The following EIF3A variants were observed in gnomAD, a reference collection of about 807,000 sequenced individuals.
EIF3A encodes eukaryotic translation initiation factor 3 subunit A.
Under a neutral mutation model 186.6 loss-of-function variants are expected in EIF3A, and 21 were observed. That is an observed-to-expected ratio of 0.11 (90% CI 0.08 to 0.16). The LOEUF is 0.16. EIF3A is among the 10% of genes least tolerant of loss of function. The probability of loss-of-function intolerance (pLI) is 1.00; values close to 1 mark genes in which losing one functional copy is unlikely to be tolerated. For missense variants in EIF3A, 1,306 were observed against 1,796.3 expected, an observed-to-expected ratio of 0.73 and a Z score of 4.93; for synonymous variants, 563 against 584.3, an observed-to-expected ratio of 0.96 and a Z score of 0.52.
At chr10:119,073,700 T>G in intron 2 of EIF3A, 47 bp downstream of exon 2, 1 of 1,563,692 alleles carries the variant, frequency 6.4e-7, no homozygotes, top group Middle Eastern at 1.7e-4. Flanking sequence ...CTTCGGCAGA[T>G]TACTAAAAAC....
chr10:119,074,554 G>A (rs966738064), intron 1 of EIF3A, among the ~76,000 whole-genome samples: 3 of 151,908 alleles, frequency 2.0e-5, no homozygotes, highest in African/African-American at 4.8e-5. Flanking sequence ...AGTGGGTGTG[G>A]TGTCAATGAA....
intron 15 of EIF3A, 40 bp from the exon 16 acceptor site, chr10:119,050,714 T>C (rs754988292): frequency 5.0e-6 from 8 of 1,610,376 alleles, no homozygotes; most frequent in African/African-American, 1.3e-5. Flanking sequence ...AGGGCACACT[T>C]TGTCAAGAGC....
In EIF3A at chr10:119,035,922, G is replaced by A. The variant is rs868036278; in HGVS notation, c.*117C>T. 6 of 743,826 alleles carry A rather than the reference G, an allele frequency of 8.1e-6. No homozygotes were observed. Among genetic ancestry groups the A allele is most frequent in the Non-Finnish European group, 1.4e-5 (6 of 443,624 alleles). 46.1% of individuals were successfully genotyped at this position (743,826 alleles called of 1,614,324 possible). A position where few individuals can be genotyped will look rare whatever the true frequency, so the allele number is the denominator to read the frequency against. On this transcript the variant is annotated 3_prime_UTR_variant, in exon 22 of 22. Transcript: ENST00000369144. ...ATTAATACAAGTTCATGCTTTTTGT[G>A]TTATGGTGAAACAACATTAAAGAAT...
rs1170284096 is a variant in EIF3A at position 119,074,918 on chromosome 10, CAAA to C, written c.50-984_50-982del. ...GGGCAACAAGAACGAAACTCCAACT[CAAA>C]AAAAAAAAAAAAAAAAAAAAGGGAA... On this transcript the variant is annotated intron_variant, in intron 1 of 21. Coordinates refer to ENST00000369144, the MANE Select transcript of EIF3A (RefSeq NM_003750.4). 7.5e-3 allele frequency among the ~76,000 whole-genome samples: 180 copies of C among 24,148 alleles called. 1 individual carries two copies. The highest frequency in any genetic ancestry group is 0.023 in the African/African-American group (171 of 7,538). 15.8% of individuals were successfully genotyped at this position (24,148 alleles called of 152,430 possible).
intron 1 of EIF3A, among the ~76,000 whole-genome samples, chr10:119,075,666 A>ATATATC (rs1166969733): frequency 2.2e-5 from 3 of 137,356 alleles, no homozygotes; most frequent in East Asian, 4.2e-4. Context: ...ATATATATAT[A>ATATATC]TCTCCTTTTT....
Position 119,050,666 on chromosome 10 carries a change from A to C in EIF3A, c.2328T>G (p.Leu776=). 1 of 1,613,928 alleles carries C rather than the reference A, an allele frequency of 6.2e-7. No individual in the cohort carries two copies. The highest frequency in any genetic ancestry group is 8.5e-7 in the Non-Finnish European group (1 of 1,179,992). The change falls in exon 16 of 22, where the codon CTT becomes CTG. Residue 776 remains leucine, a synonymous_variant. Transcript: ENST00000369144. ...CTGCTAATCGCTCTTCAAACTGTTT[A>C]AGTTTTTCCTGCAATCGAAGTAACC... is the stretch of plus-strand genomic sequence containing the variant. ...AARQSVYEEK[L]KQFEERLAEE... is the part of the protein sequence containing the mutation.
In EIF3A at chr10:119,036,217, C is replaced by G. The variant is rs1345108493; in HGVS notation, c.3971G>C (p.Arg1324Pro). The G allele has an allele frequency of 6.2e-7, 1 of 1,613,836 alleles. No individual in the cohort carries two copies. The highest frequency in any genetic ancestry group is 8.5e-7 in the Non-Finnish European group (1 of 1,180,000). Residue 1324 changes from arginine to proline, a missense_variant, in exon 22 of 22, where the codon CGG becomes CCG. Around this residue, in one of 8 missense-constraint regions of EIF3A, gnomAD observed 331 missense variants for 365.8 expected, o/e 0.90. Transcript: ENST00000369144. Reference protein sequence around the residue: ...DDRKDDRVEERDPPRRVPPPA... With the variant: ...DDRKDDRVEEPDPPRRVPPPA... ...GGGAGGAACTCGACGAGGAGGGTCC[C>G]GCTCTTCCACCCGGTCATCTTTCCT...
intron 14 of EIF3A, among the ~76,000 whole-genome samples, chr10:119,054,481 G>A (rs932035122): frequency 8.6e-5 from 13 of 151,100 alleles, no homozygotes; most frequent in African/African-American, 1.9e-4. Context: ...TTGGGAGGCC[G>A]AGATGAGCAG....
rs989920904 is a variant in EIF3A, at chr10:119,069,395, A to T, written c.950+51T>A. ...CCTAAAATATACCATGTCATATAAT[A>T]GACGATATTTGTTACAGAATTTCAA... On this transcript the variant is annotated intron_variant, in intron 6 of 21. Transcript: ENST00000369144. The T allele has an allele frequency of 9.8e-6, 9 of 914,114 alleles. No homozygotes were observed. In the Middle Eastern group the frequency reaches 7.9e-4, roughly 80 times the overall value. 56.6% of individuals were successfully genotyped at this position (914,114 alleles called of 1,614,324 possible). A position where few individuals can be genotyped will look rare whatever the true frequency, so the allele number is the denominator to read the frequency against.
At chr10:119,045,021 T>C (rs376965609) in intron 17 of EIF3A, among the ~76,000 whole-genome samples, 14 of 151,118 alleles carry the variant, frequency 9.3e-5, no homozygotes, top group South Asian at 6.3e-4. Context: ...CTCAGCTAAC[T>C]GCAGCCTCTG....
chr10:119,036,091 C>T lies in EIF3A; in HGVS notation c.4097G>A (p.Arg1366His), dbSNP rs143903271. The T allele has an allele frequency of 4.2e-5, 68 of 1,613,922 alleles. No individual in the cohort carries two copies. Among genetic ancestry groups the T allele is most frequent in the Non-Finnish European group, 4.9e-5 (58 of 1,180,000 alleles). Residue 1366 changes from arginine (R) to histidine (H), a missense_variant, in exon 22 of 22, where the codon CGT (arginine) becomes CAT (histidine). Physicochemically the swap from Arg to His is conservative, Grantham distance 29 (BLOSUM62 0). Coordinates refer to ENST00000369144, the MANE Select transcript of EIF3A (RefSeq NM_003750.4). ...TTCATCAGTCTCATTTTTAGTACGA[C>T]GGAGAGATTCCCTATCTTTCTCAGC... ...WRAEKDRESL[R>H]RTKNETDEDG...
chr10:119,076,066 G>A (rs1207943284), intron 1 of EIF3A, among the ~76,000 whole-genome samples: 3 of 149,880 alleles, frequency 2.0e-5, no homozygotes, highest in East Asian at 4.0e-4. Context: ...ATGGCCGGGC[G>A]CAGTAGCTCA....
intron 19 of EIF3A, among the ~76,000 whole-genome samples, chr10:119,039,800 A>G (rs1848183878): frequency 6.6e-6 from 1 of 152,236 alleles, no homozygotes; most frequent in African/African-American, 2.4e-5. Context: ...CATGAATTCA[A>G]TGGTAATGAA....
intron 19 of EIF3A, among the ~76,000 whole-genome samples, chr10:119,038,938 A>C (rs1848171602): frequency 6.6e-6 from 1 of 152,298 alleles, no homozygotes; most frequent in Middle Eastern, 3.4e-3. Context: ...ACAAACAGGA[A>C]AAGAAAAAAA....
intron 1 of EIF3A, among the ~76,000 whole-genome samples, chr10:119,078,668 A>C (rs1289554060): frequency 6.6e-6 from 1 of 152,128 alleles, no homozygotes; most frequent in African/African-American, 2.4e-5. Flanking sequence ...AAGGGACCAC[A>C]GTCTTTTTTA....
In EIF3A at chr10:119,075,879, A is replaced by ATTT. The variant is rs58100835; in HGVS notation, c.50-1945_50-1943dup. ...CGGAGCTCGCCACCACGCCTGGCTA[A>ATTT]TTTTTTTTTTTTTTTTTTTTGTATT... On this transcript the variant is annotated intron_variant, in intron 1 of 21. Transcript: ENST00000369144. 6.7e-4 allele frequency among the ~76,000 whole-genome samples: 63 copies of ATTT among 94,048 alleles called. 1 individual carries two copies. Among genetic ancestry groups the ATTT allele is most frequent in the African/African-American group, 1.6e-3 (40 of 24,620 alleles). The allele number at this position is 94,048 out of a possible 152,430, so 61.7% of individuals were successfully genotyped here.
rs556140038 is a variant in EIF3A at position 119,037,208 on chromosome 10, C to T, written c.3830G>A (p.Arg1277Lys). ...DRDRDDRRRE[R>K]DDRRDLRERR... ...TTCTCTTAGATCACGCCGGTCATCC[C>T]TCTCACGGCGACGGTCATCCCTATC... The change falls in exon 21 of 22, where the codon AGG becomes AAG. Residue 1277 changes from arginine to lysine, a missense_variant. By Grantham distance (26) the Arg-to-Lys change is conservative. Coordinates refer to ENST00000369144, the MANE Select transcript of EIF3A (RefSeq NM_003750.4). 102 of 1,614,060 alleles carry T rather than the reference C, an allele frequency of 6.3e-5. No homozygotes were observed. The South Asian group carries it at 1.1e-3, about 17-fold the overall frequency.
At chr10:119,061,186 T>C in intron 8 of EIF3A, 38 bp downstream of exon 8, 1 of 1,218,582 alleles carries the variant, frequency 8.2e-7, no homozygotes, top group Non-Finnish European at 1.2e-6. Flanking sequence ...GAAGGCCAAC[T>C]CTGTGGTAAC....
At chr10:119,069,082 T>C (rs1241403079) in intron 6 of EIF3A, among the ~76,000 whole-genome samples, 1 of 152,204 alleles carries the variant, frequency 6.6e-6, no homozygotes, top group Admixed American at 6.5e-5. Flanking sequence ...CCGTTAAATG[T>C]GTTTTTCCTA....
Sources: allele counts gnomAD v4.1 joint callset (sites outside exome capture counted in the v4.1 genomes callset), GRCh38; gene constraint gnomAD v4.1.1; regional missense constraint gnomAD v4.1.1; transcripts MANE v1.5; gene names NCBI Gene and HGNC (gene_info 2026-07-23, HGNC 2026-07-21).